Variants in APPBP2 observed in about 807,000 individuals in gnomAD.
APPBP2 encodes amyloid beta precursor protein binding protein 2, also known as amyloid protein-binding protein 2.
A neutral mutation model predicts 76.0 loss-of-function variants in APPBP2; 15 were observed. That is an observed-to-expected ratio of 0.20 (90% CI 0.13 to 0.30). The LOEUF (loss-of-function observed/expected upper bound fraction) is 0.30, where lower values mean the gene tolerates loss of function less well. APPBP2 is among the 10% of genes least tolerant of loss of function. The probability of loss-of-function intolerance (pLI) is 1.00; values close to 1 mark genes in which losing one functional copy is unlikely to be tolerated. For missense variants in APPBP2, 401 were observed against 687.2 expected (o/e 0.58, Z 4.66); for synonymous variants, 222 against 242.2 (o/e 0.92, Z 0.77).
intron 10 of APPBP2, 70 bp from the exon 11 acceptor site, chr17:60,454,562 A>C: frequency 2.1e-6 from 2 of 966,850 alleles, no homozygotes; most frequent in East Asian, 5.2e-5. Context: ...CATCTAATTT[A>C]AACTTAAATA....
At chr17:60,508,474 G>C (rs191965466) in intron 1 of APPBP2, among the ~76,000 whole-genome samples, 121 of 152,184 alleles carry the variant, frequency 8.0e-4, no homozygotes, top group African/African-American at 2.6e-3. Context: ...CAAAAATTAA[G>C]AAAACACAAA....
chr17:60,458,457 C>A (rs987574893), intron 9 of APPBP2, among the ~76,000 whole-genome samples: 7 of 150,606 alleles, frequency 4.6e-5, no homozygotes, highest in African/African-American at 1.7e-4. Flanking sequence ...AAAACAAAAA[C>A]AAAAAAACTT....
intron 2 of APPBP2, among the ~76,000 whole-genome samples, chr17:60,498,492 C>A (rs1435757291): frequency 3.3e-5 from 5 of 152,082 alleles, no homozygotes; most frequent in Admixed American, 6.6e-5. Flanking sequence ...ATGTTCAGGG[C>A]AGCAAGAGTT....
chr17:60,445,181 A>G lies in APPBP2; in HGVS notation c.*2400T>C, dbSNP rs1381187599. 1 of 152,548 alleles carries G rather than the reference A, an allele frequency of 6.6e-6. No individual in the cohort carries two copies. Among genetic ancestry groups the G allele is most frequent in the Non-Finnish European group, 1.5e-5 (1 of 68,040 alleles). The allele number at this position is 152,548 out of a possible 1,614,324, so 9.4% of individuals were successfully genotyped here. A position where few individuals can be genotyped will look rare whatever the true frequency, so the allele number is the denominator to read the frequency against. ...TTTCTTAAGCTAGAGTGTATGCATT[A>G]AAGTATATGGATTTACAAAAAAACT... On this transcript the variant is annotated 3_prime_UTR_variant, in exon 13 of 13. Transcript: ENST00000083182.
intron 1 of APPBP2, among the ~76,000 whole-genome samples, chr17:60,525,410 G>A (rs1201244818): frequency 1.3e-5 from 2 of 152,166 alleles, no homozygotes; most frequent in African/African-American, 4.8e-5. Context: ...ACGGAAAAAA[G>A]TCCAGCTGAT....
intron 1 of APPBP2, among the ~76,000 whole-genome samples, chr17:60,510,741 G>A (rs2090905489): frequency 6.6e-6 from 1 of 152,050 alleles, no homozygotes; most frequent in South Asian, 2.1e-4. Context: ...CATCTGAAAT[G>A]TACTCTGAAA....
intron 4 of APPBP2, among the ~76,000 whole-genome samples, chr17:60,473,438 C>T (rs940103972): frequency 2.0e-5 from 3 of 152,132 alleles, no homozygotes; most frequent in Admixed American, 6.6e-5. Context: ...TAAGATGAAC[C>T]TCCATTTTCC....
intron 3 of APPBP2, among the ~76,000 whole-genome samples, chr17:60,488,197 C>G (rs965487103): frequency 2.6e-5 from 4 of 152,212 alleles, no homozygotes; most frequent in African/African-American, 9.7e-5. Flanking sequence ...AGGAGGCAGT[C>G]TGTCTGTTCT....
chr17:60,448,999 T>C lies in APPBP2; in HGVS notation c.1505-1165A>G, dbSNP rs1166871209. ...AATTTAACATGTTAAATAAACCTAA[T>C]TGTTGTGCAAAAGAATAACATAACC... On this transcript the variant is annotated intron_variant, in intron 12 of 12. Coordinates refer to ENST00000083182, the MANE Select transcript of APPBP2 (RefSeq NM_006380.5). 7.2e-5 allele frequency among the ~76,000 whole-genome samples: 11 copies of C among 152,314 alleles called. No homozygotes were observed. In the East Asian group the frequency reaches 1.7e-3, roughly 24 times the overall value.
intron 3 of APPBP2, among the ~76,000 whole-genome samples, chr17:60,482,610 G>T (rs1448805458): frequency 6.6e-6 from 1 of 152,156 alleles, no homozygotes; most frequent in African/African-American, 2.4e-5. Flanking sequence ...ACAGGCCCTG[G>T]TGTGTGAGGT....
At chr17:60,523,567 G>A (rs939147801) in intron 1 of APPBP2, among the ~76,000 whole-genome samples, 10 of 152,144 alleles carry the variant, frequency 6.6e-5, no homozygotes, top group African/African-American at 1.4e-4. Flanking sequence ...GGTGGCATAT[G>A]CCTGTAGTCT....
intron 4 of APPBP2, among the ~76,000 whole-genome samples, chr17:60,475,950 G>GA (rs1443970732): frequency 6.6e-6 from 1 of 152,064 alleles, no homozygotes; most frequent in African/African-American, 2.4e-5. Flanking sequence ...AGAAAAAACT[G>GA]AAAAGGGGGT....
chr17:60,482,592 A>G (rs1203198029), intron 3 of APPBP2, among the ~76,000 whole-genome samples: 1 of 152,044 alleles, frequency 6.6e-6, no homozygotes, highest in Non-Finnish European at 1.5e-5. Flanking sequence ...CCAGACCGCC[A>G]CCCCACAACA....
chr17:60,511,271 G>C (rs1369306416), intron 1 of APPBP2, among the ~76,000 whole-genome samples: 3 of 152,086 alleles, frequency 2.0e-5, no homozygotes, highest in African/African-American at 7.2e-5. Flanking sequence ...TGAGACAAAA[G>C]GATAGGGCAG....
intron 1 of APPBP2, among the ~76,000 whole-genome samples, chr17:60,523,946 T>C (rs1382004259): frequency 6.6e-6 from 1 of 152,172 alleles, no homozygotes; most frequent in Non-Finnish European, 1.5e-5. Context: ...ACAGTTTAAT[T>C]CTGAAGATTA....
At position 60,494,469 on chromosome 17, in the gene APPBP2, A is replaced by C. The variant is rs1412132291; in HGVS notation, c.376T>G (p.Leu126Val). 2.5e-6 allele frequency: 4 copies of C among 1,606,666 alleles called. No homozygotes were observed. Among genetic ancestry groups the C allele is most frequent in the Non-Finnish European group, 3.4e-6 (4 of 1,178,538 alleles). ...KEKAIQVGFV[L>V]GGFLSDAGWY... Reference sequence around the variant, plus strand: ...CTTCTGTTCCACCATTACTTACCTAAAACAAAGCCAACCTGAATGGCTTTT... The same window carrying C: ...CTTCTGTTCCACCATTACTTACCTACAACAAAGCCAACCTGAATGGCTTTT... The change falls in exon 3 of 13, where the codon TTA (leucine) becomes GTA (valine). Residue 126 changes from leucine to valine, a missense_variant. Physicochemically the swap from Leu to Val is conservative, Grantham distance 32. Coordinates refer to ENST00000083182, the MANE Select transcript of APPBP2 (RefSeq NM_006380.5).
intron 12 of APPBP2, among the ~76,000 whole-genome samples, chr17:60,448,339 T>A (rs1478167990): frequency 6.6e-6 from 1 of 152,154 alleles, no homozygotes; most frequent in African/African-American, 2.4e-5. Flanking sequence ...GGTGCATGCT[T>A]GTAATCCCAG....
intron 1 of APPBP2, among the ~76,000 whole-genome samples, chr17:60,517,849 T>C (rs963240713): frequency 2.6e-5 from 4 of 152,250 alleles, no homozygotes; most frequent in African/African-American, 9.6e-5. Context: ...TCTGGCTTTA[T>C]CTTGTATTTG....
chr17:60,474,989 G>C (rs888493909), intron 4 of APPBP2, among the ~76,000 whole-genome samples: 10 of 151,964 alleles, frequency 6.6e-5, no homozygotes, highest in Non-Finnish European at 1.5e-4. Context: ...CAGCACTTTG[G>C]GGGGCCAGGG....
Sources: allele counts gnomAD v4.1 joint callset (sites outside exome capture counted in the v4.1 genomes callset), GRCh38; gene constraint gnomAD v4.1.1; transcripts MANE v1.5; gene names NCBI Gene and HGNC (gene_info 2026-07-23, HGNC 2026-07-21).